The following ITSN2 variants were observed in gnomAD, a reference collection of about 807,000 sequenced individuals.
The protein encoded by ITSN2 is intersectin 2.
In ITSN2, 156 loss-of-function variants were observed where a neutral mutation model predicts 243.7. The ratio of observed to expected loss-of-function variants is 0.64; its 90% CI spans 0.56 to 0.73. The LOEUF (loss-of-function observed/expected upper bound fraction) is 0.73. Among genes scored for constraint, ITSN2 ranks in the 30% least tolerant of loss-of-function variants. The probability of loss-of-function intolerance (pLI) is 0.00; values close to 1 mark genes in which losing one functional copy is unlikely to be tolerated. For missense variants in ITSN2, 1,801 were observed against 1,996.1 expected, an observed-to-expected ratio of 0.90 and a Z score of 1.86; for synonymous variants, 703 against 699.9, an observed-to-expected ratio of 1.00 and a Z score of -0.07.
chr2:24,210,873 C>A lies in ITSN2; in HGVS notation c.4164G>T (p.Leu1388=). Residue 1388 remains leucine, a synonymous_variant, in exon 34 of 40, where the codon CTG becomes CTT. Transcript: ENST00000355123. The part of the protein sequence containing the change: ...LKLALERAEE[L]CSQVNEGVRE... ...GAACTCCCTCATTCACTTGAGAGCACAGCTCCTCTGCCCGCTCGAGGGCCA... is the reference window on the plus strand; with the variant it reads ...GAACTCCCTCATTCACTTGAGAGCAAAGCTCCTCTGCCCGCTCGAGGGCCA... 6.2e-7 allele frequency: 1 copy of A among 1,614,198 alleles called. No individual in the cohort carries two copies. The highest frequency in any genetic ancestry group is 8.5e-7 in the Non-Finnish European group (1 of 1,180,034).
At chr2:24,258,885 T>A (rs1558504797) in intron 22 of ITSN2, among the ~76,000 whole-genome samples, 2 of 152,164 alleles carry the variant, frequency 1.3e-5, no homozygotes, top group South Asian at 4.1e-4. Flanking sequence ...ACAGCTAACA[T>A]CAAGCCTTGT....
chr2:24,286,526 T>C (rs1037382033), intron 15 of ITSN2, among the ~76,000 whole-genome samples, 175 bp from the exon 16 acceptor site: 2 of 152,228 alleles, frequency 1.3e-5, no homozygotes, highest in African/African-American at 4.8e-5. Context: ...CCAGATTATA[T>C]GCTGGAAAGA....
At chr2:24,339,859 T>A (rs2151900935) in intron 1 of ITSN2, among the ~76,000 whole-genome samples, 1 of 152,148 alleles carries the variant, frequency 6.6e-6, no homozygotes, top group South Asian at 2.1e-4. Context: ...AGACTCTTTC[T>A]CTACAAAAAA....
At chr2:24,349,261 T>C (rs1010377567) in intron 1 of ITSN2, among the ~76,000 whole-genome samples, 10 of 152,070 alleles carry the variant, frequency 6.6e-5, no homozygotes, top group African/African-American at 2.2e-4. Flanking sequence ...CTAAAACCAA[T>C]AGCATACCCA....
At chr2:24,301,275 G>T in intron 10 of ITSN2, 36 bp from the exon 11 acceptor site, 1 of 1,325,090 alleles carries the variant, frequency 7.5e-7, no homozygotes, top group Non-Finnish European at 1.1e-6. Context: ...GCATCATGTA[G>T]TCTGGACATT....
intron 1 of ITSN2, among the ~76,000 whole-genome samples, chr2:24,337,438 C>A (rs184276161): frequency 1.2e-3 from 178 of 146,404 alleles, no homozygotes; most frequent in African/African-American, 4.2e-3. Flanking sequence ...GCAACCTCAG[C>A]CTCCTGGGTT....
In ITSN2 at chr2:24,220,976, CGCTCTTCG is replaced by C; in HGVS notation, c.3660_3667del (p.Glu1221ValfsTer4). 12 of 1,609,396 alleles carry C rather than the reference CGCTCTTCG, an allele frequency of 7.5e-6. No individual in the cohort carries two copies. The highest frequency in any genetic ancestry group is 9.3e-6 in the Non-Finnish European group (11 of 1,178,318). Reference sequence around the variant, plus strand: ...GACGAGCTGAAGGTCAGCCATGTACCGCTCTTCGGTCTGAATCAGCTCATGAATATAGC... The same window carrying C: ...GACGAGCTGAAGGTCAGCCATGTACCGTCTGAATCAGCTCATGAATATAGC... On this transcript the variant is annotated frameshift_variant, in exon 30 of 40. Coordinates refer to ENST00000355123, the MANE Select transcript of ITSN2 (RefSeq NM_006277.3). LOFTEE classifies it high-confidence loss of function.
chr2:24,203,577 CCAGCCCCAGCCTTGTGGGCTG>C lies in ITSN2; in HGVS notation c.*28_*48del. The C allele has an allele frequency of 6.4e-7, 1 of 1,572,968 alleles. No individual in the cohort carries two copies. The highest frequency in any genetic ancestry group is 8.6e-7 in the Non-Finnish European group (1 of 1,157,428). ...CCAAGAGAGCGCAGTCTCTCATTCT[CCAGCCCCAGCCTTGTGGGCTG>C]TCCCGCTGGTGCTGTCCTTTAGAAC... On this transcript the variant is annotated 3_prime_UTR_variant, in exon 40 of 40. Coordinates refer to ENST00000355123, the MANE Select transcript of ITSN2 (RefSeq NM_006277.3).
At chr2:24,360,999 A>G (rs1688950182), upstream of ITSN2, among the ~76,000 whole-genome samples, 1 of 152,204 alleles carries the variant, frequency 6.6e-6, no homozygotes, top group African/African-American at 2.4e-5. Context: ...GAAGGTGGGA[A>G]GGAGGTTGAT....
intron 20 of ITSN2, among the ~76,000 whole-genome samples, chr2:24,264,729 C>CACACAA (rs1676433840): frequency 6.6e-6 from 1 of 152,146 alleles, no homozygotes; most frequent in Non-Finnish European, 1.5e-5. Context: ...CACACAAACA[C>CACACAA]ACGTAGCATG....
intron 13 of ITSN2, among the ~76,000 whole-genome samples, chr2:24,296,806 T>C (rs1384226918): frequency 6.6e-6 from 1 of 152,226 alleles, no homozygotes; most frequent in Non-Finnish European, 1.5e-5. Context: ...AACTTACTGA[T>C]GATGAAAAGT....
At chr2:24,243,855 ATTAAAG>A (rs552662194) in intron 29 of ITSN2, among the ~76,000 whole-genome samples, 399 of 152,360 alleles carry the variant, frequency 2.6e-3, no homozygotes, top group Non-Finnish European at 3.9e-3. Context: ...TTAGCTTAAA[ATTAAAG>A]TTAAATTAAA....
At chr2:24,342,109 G>T (rs1034402133) in intron 1 of ITSN2, among the ~76,000 whole-genome samples, 2 of 152,156 alleles carry the variant, frequency 1.3e-5, no homozygotes, top group Non-Finnish European at 2.9e-5. Flanking sequence ...TCAGGAAGGG[G>T]AGTAAGAATG....
intron 20 of ITSN2, among the ~76,000 whole-genome samples, chr2:24,263,957 C>T (rs1479649428): frequency 6.6e-6 from 1 of 152,102 alleles, no homozygotes; most frequent in Non-Finnish European, 1.5e-5. Context: ...CATGTTTTAA[C>T]TTTTTTAACA....
At chr2:24,344,318 G>C (rs1309119494) in intron 1 of ITSN2, among the ~76,000 whole-genome samples, 1 of 152,096 alleles carries the variant, frequency 6.6e-6, no homozygotes, top group South Asian at 2.1e-4. Flanking sequence ...AATACTTCTA[G>C]AAGTAGAATT....
chr2:24,347,578 C>T (rs951241491), intron 1 of ITSN2, among the ~76,000 whole-genome samples: 1 of 152,004 alleles, frequency 6.6e-6, no homozygotes, highest in African/African-American at 2.4e-5. Flanking sequence ...CCCAGCTACT[C>T]GGTAGGCTGA....
chr2:24,274,553 G>A (rs1677789308), intron 18 of ITSN2, among the ~76,000 whole-genome samples: 1 of 152,152 alleles, frequency 6.6e-6, no homozygotes. Context: ...CAGCCTCGGT[G>A]GCAGAGCAAG....
At chr2:24,345,383 G>A (rs1433767665) in intron 1 of ITSN2, among the ~76,000 whole-genome samples, 1 of 152,052 alleles carries the variant, frequency 6.6e-6, no homozygotes, top group Admixed American at 6.6e-5. Flanking sequence ...CCATCTCCAA[G>A]ATAACCATAT....
At chr2:24,243,936 C>A (rs1249553308) in intron 29 of ITSN2, among the ~76,000 whole-genome samples, 2 of 152,184 alleles carry the variant, frequency 1.3e-5, no homozygotes, top group African/African-American at 4.8e-5. Flanking sequence ...CTAGTGGCCG[C>A]TGTATTGGAG....
Sources: allele counts gnomAD v4.1 joint callset (sites outside exome capture counted in the v4.1 genomes callset), GRCh38; gene constraint gnomAD v4.1.1; transcripts MANE v1.5; gene names NCBI Gene and HGNC (gene_info 2026-07-23, HGNC 2026-07-21).